Variants in SIN3B observed in about 807,000 individuals in gnomAD.
The protein encoded by SIN3B is SIN3 transcription regulator family member B.
Under a neutral mutation model 120.2 loss-of-function variants are expected in SIN3B, and 19 were observed. The observed-to-expected ratio is 0.16, with a 90% confidence interval of 0.11 to 0.23. The LOEUF (loss-of-function observed/expected upper bound fraction) is 0.23, where lower values mean the gene tolerates loss of function less well. SIN3B is among the 10% of genes least tolerant of loss of function. SIN3B has a pLI of 1.00. For synonymous variants in SIN3B, 654 were observed against 653.2 expected (o/e 1.00, Z -0.02); for missense variants, 1,073 against 1,573.0 (o/e 0.68, Z 5.38).
chr19:16,856,341 C>T (rs1971614470), intron 8 of SIN3B, among the ~76,000 whole-genome samples: 1 of 152,132 alleles, frequency 6.6e-6, no homozygotes. Context: ...GGGTGAGTCA[C>T]TTGGGCAGTC....
At position 16,862,921 on chromosome 19, in the gene SIN3B, A is replaced by C. The variant is rs1179973162; in HGVS notation, c.1266+362A>C. ...ACACTTCTCCAGGGTTCGTGGACAGACGATTACTGCATGTCCAAGTTCAAG... is the reference window on the plus strand; with the variant it reads ...ACACTTCTCCAGGGTTCGTGGACAGCCGATTACTGCATGTCCAAGTTCAAG... On this transcript the variant is annotated intron_variant, in intron 9 of 18. Coordinates refer to ENST00000248054, the MANE Select transcript of SIN3B (RefSeq NM_001297595.2). This position sits in a 1 kb window ranked among gnomAD's most constrained non-coding sequence, Gnocchi z 4.7. 22 of 1,614,158 alleles carry C rather than the reference A, an allele frequency of 1.4e-5. No individual in the cohort carries two copies. Among genetic ancestry groups the C allele is most frequent in the Middle Eastern group, 1.6e-4 (1 of 6,084 alleles).
chr19:16,837,726 GT>G (rs527596893), intron 3 of SIN3B, among the ~76,000 whole-genome samples: 1 of 152,284 alleles, frequency 6.6e-6, no homozygotes, highest in East Asian at 1.9e-4. Flanking sequence ...ACCAGAGGGG[GT>G]TCCCATGTGA....
At chr19:16,841,059 G>A (rs1012120401) in intron 3 of SIN3B, among the ~76,000 whole-genome samples, 5 of 152,164 alleles carry the variant, frequency 3.3e-5, no homozygotes, top group African/African-American at 9.7e-5. Flanking sequence ...CATAATTCTG[G>A]TTTAGAAACA....
chr19:16,835,878 T>G (rs1186840796), intron 3 of SIN3B, among the ~76,000 whole-genome samples: 1 of 152,226 alleles, frequency 6.6e-6, no homozygotes, highest in Non-Finnish European at 1.5e-5. Context: ...TGGACTCAAG[T>G]GATCCTCCTG....
intron 8 of SIN3B, among the ~76,000 whole-genome samples, chr19:16,856,112 G>A (rs1469617628): frequency 2.0e-5 from 3 of 152,180 alleles, no homozygotes; most frequent in African/African-American, 7.2e-5. Flanking sequence ...AGCCTCATTA[G>A]CAGGTCAGGT....
chr19:16,861,670 G>A (rs1294445413), intron 8 of SIN3B, among the ~76,000 whole-genome samples: 3 of 152,060 alleles, frequency 2.0e-5, no homozygotes, highest in African/African-American at 7.2e-5. Flanking sequence ...AGCTGAGACA[G>A]GAGAATTGCT....
At chr19:16,874,537 C>A (rs1006084084) in intron 14 of SIN3B, among the ~76,000 whole-genome samples, 1 of 146,964 alleles carries the variant, frequency 6.8e-6, no homozygotes, top group African/African-American at 2.6e-5. Context: ...CTGGTCTGGT[C>A]TGGTCTGGTT....
At chr19:16,868,461 C>T (rs1257006657) in intron 12 of SIN3B, among the ~76,000 whole-genome samples, 1 of 152,194 alleles carries the variant, frequency 6.6e-6, no homozygotes, top group Non-Finnish European at 1.5e-5. Context: ...AGCAGAGGCC[C>T]TGGGTGCCAG....
rs1047492811 is a variant in SIN3B at position 16,876,891 on chromosome 19, C to T, written c.2859+313C>T. Reference sequence around the variant, plus strand: ...ACTCAGGGCATCCCGTGGCTGTGACCTCTGCACCTCTTGTGTCAGGGCTGC... The same window carrying T: ...ACTCAGGGCATCCCGTGGCTGTGACTTCTGCACCTCTTGTGTCAGGGCTGC... On this transcript the variant is annotated intron_variant, in intron 16 of 18. Transcript: ENST00000248054. This position sits in a 1 kb window ranked among gnomAD's most constrained non-coding sequence, Gnocchi z 7.1. 6.2e-6 allele frequency: 2 copies of T among 325,040 alleles called. No individual in the cohort carries two copies. The highest frequency in any genetic ancestry group is 2.1e-5 in the African/African-American group (1 of 46,544). The allele number at this position is 325,040 out of a possible 1,614,324, so 20.1% of individuals were successfully genotyped here.
intron 3 of SIN3B, among the ~76,000 whole-genome samples, chr19:16,832,723 C>T (rs59973139): frequency 0.092 from 13,991 of 151,872 alleles, 1,278 homozygotes; most frequent in African/African-American, 0.24. Flanking sequence ...GGGTTGGTCT[C>T]GATCTCCTGG....
At chr19:16,847,867 C>A (rs1167555034) in intron 5 of SIN3B, among the ~76,000 whole-genome samples, 2 of 152,192 alleles carry the variant, frequency 1.3e-5, no homozygotes, top group Non-Finnish European at 2.9e-5. Flanking sequence ...ACATTTTCAT[C>A]CCCCTGAAAG....
Position 16,841,848 on chromosome 19 carries a change from C to G in SIN3B, c.462C>G (p.Pro154=). ...VPYKEDKPQV[P]LESDSVEFNN... is the part of the protein sequence containing the mutation. ...ATAAAGAGGACAAACCCCAGGTGCC[C>G]CTGGAGTCCGATTCCGTGGAATTCA... is the stretch of plus-strand genomic sequence containing the variant. The change falls in exon 4 of 19, where the codon CCC becomes CCG. Residue 154 remains proline (P), a synonymous_variant. Transcript: ENST00000248054. 1 of 1,614,028 alleles carries G rather than the reference C, an allele frequency of 6.2e-7. No homozygotes were observed. The highest frequency in any genetic ancestry group is 8.5e-7 in the Non-Finnish European group (1 of 1,179,988).
At chr19:16,871,485 G>A in intron 14 of SIN3B, 87 bp downstream of exon 14, 1 of 1,265,530 alleles carries the variant, frequency 7.9e-7, no homozygotes, top group Admixed American at 2.5e-5. Flanking sequence ...GGGGGCCCGT[G>A]GTCAGCACAG....
chr19:16,857,887 C>CTT (rs1184165053), intron 8 of SIN3B, among the ~76,000 whole-genome samples: 1 of 151,172 alleles, frequency 6.6e-6, no homozygotes, highest in Non-Finnish European at 1.5e-5. Flanking sequence ...CTTTTCTTTT[C>CTT]TTTTTTTGAG....
chr19:16,836,926 C>T (rs190062476), intron 3 of SIN3B, among the ~76,000 whole-genome samples: 7 of 152,278 alleles, frequency 4.6e-5, no homozygotes, highest in Middle Eastern at 6.8e-3. Flanking sequence ...GGCGGTGACC[C>T]CTTCTCCGAG....
At chr19:16,875,140 CTGGTTT>C (rs2051573372) in intron 14 of SIN3B, among the ~76,000 whole-genome samples, 1 of 128,948 alleles carries the variant, frequency 7.8e-6, no homozygotes, top group African/African-American at 3.1e-5. Context: ...TTGGTCTGGT[CTGGTTT>C]TGGTCTGGTT....
Position 16,864,403 on chromosome 19 carries a change from G to A in SIN3B, c.1383+607G>A, listed in dbSNP as rs527813766. On this transcript the variant is annotated intron_variant, in intron 10 of 18. Transcript: ENST00000248054. ...AAGTGCAGTGGCGTAATCATGGATC[G>A]CTGCAGCCTTGACCTCCCAGGCTCA... 4.0e-5 allele frequency among the ~76,000 whole-genome samples: 6 copies of A among 151,796 alleles called. 1 individual carries two copies. The highest frequency in any genetic ancestry group is 2.0e-4 in the East Asian group (1 of 5,112).
At position 16,879,619 on chromosome 19, in the gene SIN3B, C is replaced by T. The variant is rs1275159048; in HGVS notation, c.*892C>T. 6.6e-6 allele frequency: 1 copy of T among 152,346 alleles called. No individual in the cohort carries two copies. Among genetic ancestry groups the T allele is most frequent in the African/African-American group, 2.4e-5 (1 of 41,446 alleles). The allele number at this position is 152,346 out of a possible 1,614,324, so 9.4% of individuals were successfully genotyped here. ...TGCGGCTCCCTGGGGCTGAGATCTC[C>T]CTTTGTGGAACTCCGAGAGCCGCCC... On this transcript the variant is annotated 3_prime_UTR_variant, in exon 19 of 19. Transcript: ENST00000248054.
In SIN3B at chr19:16,875,980, C is replaced by T. The variant is rs144115924; in HGVS notation, c.2593-75C>T. 1,986 of 1,473,238 alleles carry T rather than the reference C, an allele frequency of 1.3e-3. 4 individuals are homozygous for T. Among genetic ancestry groups the T allele is most frequent in the Non-Finnish European group, 1.6e-3 (1,800 of 1,104,810 alleles). The allele number at this position is 1,473,238 out of a possible 1,614,324, so 91.3% of individuals were successfully genotyped here. A position where few individuals can be genotyped will look rare whatever the true frequency, so the allele number is the denominator to read the frequency against. ...ATCCTGATGTGTTTCTGGCCTTTGT[C>T]GACTTCCTCTGTGGGTGAGGTGGGG... On this transcript the variant is annotated intron_variant, in intron 14 of 18. Coordinates refer to ENST00000248054, the MANE Select transcript of SIN3B (RefSeq NM_001297595.2).
Sources: allele counts gnomAD v4.1 joint callset (sites outside exome capture counted in the v4.1 genomes callset), GRCh38; gene constraint gnomAD v4.1.1; non-coding constraint Gnocchi (gnomAD v3.1); transcripts MANE v1.5; gene names NCBI Gene and HGNC (gene_info 2026-07-23, HGNC 2026-07-21).